The following DZIP3 variants were observed in gnomAD, a reference collection of about 807,000 sequenced individuals.
DZIP3 encodes DAZ interacting zinc finger protein 3, also known as E3 ubiquitin-protein ligase DZIP3.
A neutral mutation model predicts 162.0 loss-of-function variants in DZIP3; 118 were observed. The ratio of observed to expected loss-of-function variants is 0.73; its 90% CI spans 0.63 to 0.85. The LOEUF is 0.85. Among genes scored for constraint, DZIP3 ranks in the 40% least tolerant of loss-of-function variants. The probability of loss-of-function intolerance (pLI) is 0.00; values close to 1 mark genes in which losing one functional copy is unlikely to be tolerated. For missense variants in DZIP3, 1,331 were observed against 1,407.0 expected (o/e 0.95, Z 0.86); for synonymous variants, 438 against 458.6 (o/e 0.96, Z 0.57).
intron 21 of DZIP3, among the ~76,000 whole-genome samples, chr3:108,664,815 G>A (rs1468774636): frequency 6.6e-6 from 1 of 152,226 alleles, no homozygotes; most frequent in Admixed American, 6.5e-5. Context: ...CAAAAAGGCA[G>A]TGTGAGCTGG....
chr3:108,616,510 T>C (rs182094104), intron 4 of DZIP3, 31 bp from the exon 5 acceptor site: 125 of 1,432,048 alleles, frequency 8.7e-5, no homozygotes, highest in East Asian at 1.1e-4. Flanking sequence ...TTCAGACTTA[T>C]AGACATTTTT....
At chr3:108,599,782 A>G (rs1477308916) in intron 1 of DZIP3, among the ~76,000 whole-genome samples, 2 of 152,182 alleles carry the variant, frequency 1.3e-5, no homozygotes, top group Admixed American at 1.3e-4. Context: ...TCTTTCTACC[A>G]TGTGAGGATA....
intron 12 of DZIP3, among the ~76,000 whole-genome samples, chr3:108,641,346 T>C (rs1427522277): frequency 1.3e-5 from 2 of 152,240 alleles, no homozygotes; most frequent in Non-Finnish European, 2.9e-5. Context: ...CATTTTAAAA[T>C]CATATTTAGT....
intron 8 of DZIP3, among the ~76,000 whole-genome samples, chr3:108,631,277 C>G (rs1275929341): frequency 3.9e-5 from 6 of 151,976 alleles, no homozygotes; most frequent in Admixed American, 3.9e-4. Context: ...AGCAGCTTCC[C>G]GTAAAAGAGA....
intron 19 of DZIP3, among the ~76,000 whole-genome samples, chr3:108,659,107 A>G (rs1025080406): frequency 6.6e-6 from 1 of 152,198 alleles, no homozygotes; most frequent in Non-Finnish European, 1.5e-5. Flanking sequence ...ATTCCAATCA[A>G]TAGAAAAAGA....
intron 21 of DZIP3, among the ~76,000 whole-genome samples, chr3:108,666,351 A>C (rs1943675069): frequency 6.6e-6 from 1 of 152,176 alleles, no homozygotes; most frequent in Admixed American, 6.5e-5. Context: ...AATCCACAAG[A>C]ACCTCAAGGT....
chr3:108,616,526 A>G lies in DZIP3; in HGVS notation c.259-15A>G, dbSNP rs751557758. ...TCAGACTTATAGACATTTTTAACTG[A>G]ATAATTTTCCACAGAGAGAAGTTGC... is the stretch of plus-strand genomic sequence containing the variant. On this transcript the variant is annotated splice_polypyrimidine_tract_variant and intron_variant, in intron 4 of 32. Coordinates refer to ENST00000361582, the MANE Select transcript of DZIP3 (RefSeq NM_014648.4). 1 of 1,566,106 alleles carries G rather than the reference A, an allele frequency of 6.4e-7. No homozygotes were observed. The highest frequency in any genetic ancestry group is 1.4e-5 in the African/African-American group (1 of 73,520).
intron 22 of DZIP3, among the ~76,000 whole-genome samples, chr3:108,670,136 C>A (rs1435139229): frequency 6.6e-6 from 1 of 151,822 alleles, no homozygotes; most frequent in Non-Finnish European, 1.5e-5. Flanking sequence ...TTTTTAATAA[C>A]ACCTTTTTGA....
chr3:108,684,354 T>G lies in DZIP3; in HGVS notation c.3009+13T>G, dbSNP rs746095767. The G allele has an allele frequency of 1.2e-6, 2 of 1,604,524 alleles. No homozygotes were observed. Among genetic ancestry groups the G allele is most frequent in the South Asian group, 2.2e-5 (2 of 89,478 alleles). On this transcript the variant is annotated intron_variant, in intron 27 of 32. Transcript: ENST00000361582. ...TAGAGCCCCCCTGGTAAAAGCTTTC[T>G]TGGTGGAATAGATGTTAATTAGTTT...
chr3:108,677,209 A>G (rs1944142207), intron 25 of DZIP3, among the ~76,000 whole-genome samples: 1 of 151,896 alleles, frequency 6.6e-6, no homozygotes, highest in Admixed American at 6.6e-5. Flanking sequence ...CCTATTTTAG[A>G]GCTGAAAATT....
intron 26 of DZIP3, among the ~76,000 whole-genome samples, chr3:108,681,016 A>G (rs555741927): frequency 3.0e-4 from 45 of 152,330 alleles, no homozygotes; most frequent in Middle Eastern, 3.4e-3. Flanking sequence ...AACCTAGGCA[A>G]CACCATTCAG....
chr3:108,674,389 T>C (rs1267008657), intron 24 of DZIP3, among the ~76,000 whole-genome samples: 1 of 151,946 alleles, frequency 6.6e-6, no homozygotes, highest in African/African-American at 2.4e-5. Flanking sequence ...TTGTTGTTGT[T>C]GTTTAAACCT....
At chr3:108,690,938 T>C in intron 32 of DZIP3, 35 bp downstream of exon 32, 1 of 1,568,992 alleles carries the variant, frequency 6.4e-7, no homozygotes, top group Non-Finnish European at 8.8e-7. Context: ...CTCAGTTTTC[T>C]TTTATTATGA....
intron 5 of DZIP3, among the ~76,000 whole-genome samples, chr3:108,620,628 C>A (rs1031152188): frequency 6.6e-6 from 1 of 152,180 alleles, no homozygotes; most frequent in African/African-American, 2.4e-5. Flanking sequence ...CCACCTCTCT[C>A]CCTCTACAAT....
chr3:108,601,042 G>A (rs1181001895), intron 1 of DZIP3, among the ~76,000 whole-genome samples: 2 of 152,136 alleles, frequency 1.3e-5, no homozygotes, highest in Non-Finnish European at 2.9e-5. Flanking sequence ...TCTTGTAGAC[G>A]TAAGTTTGTT....
chr3:108,621,289 TA>T lies in DZIP3; in HGVS notation c.376-3149del, dbSNP rs1210882756. 6.6e-5 allele frequency among the ~76,000 whole-genome samples: 10 copies of T among 152,314 alleles called. 1 individual carries two copies. The highest frequency in any genetic ancestry group is 2.2e-4 in the African/African-American group (9 of 41,570). On this transcript the variant is annotated intron_variant, in intron 5 of 32. Transcript: ENST00000361582. ...TTTATACTTCTTTTTTACCAGTTTT[TA>T]AAAAATTTTATTTTTAATTTTTGTG...
chr3:108,631,094 C>CTCTCTCTCTCTCTCTCTCTCTCTCTCT (rs72570540), intron 8 of DZIP3, among the ~76,000 whole-genome samples: 1 of 139,478 alleles, frequency 7.2e-6, no homozygotes, highest in African/African-American at 2.7e-5. Flanking sequence ...CTCTCTCTCT[C>CTCTCTCTCTCTCTCTCTCTCTCTCTCT]CTATCCTACT....
chr3:108,606,362 G>A (rs1362981846), intron 2 of DZIP3, among the ~76,000 whole-genome samples: 5 of 152,110 alleles, frequency 3.3e-5, no homozygotes, highest in African/African-American at 1.2e-4. Flanking sequence ...TAAGCAGTGT[G>A]ACTTATTAAT....
chr3:108,657,989 G>C (rs1189116595), intron 19 of DZIP3, among the ~76,000 whole-genome samples: 6 of 152,144 alleles, frequency 3.9e-5, no homozygotes, highest in African/African-American at 1.4e-4. Context: ...GATTCATAAA[G>C]CAAGTCATTA....
Sources: gnomAD v4.1 joint callset for allele counts (sites outside exome capture counted in the v4.1 genomes callset) on GRCh38, gnomAD v4.1.1 for gene constraint, MANE v1.5 for transcripts, NCBI Gene and HGNC (gene_info 2026-07-23, HGNC 2026-07-21) for gene names.